Variants in INPP5F observed in about 807,000 individuals in gnomAD.
INPP5F encodes phosphatidylinositide 4-phosphatase SAC2.
In INPP5F, 97 loss-of-function variants were observed where a neutral mutation model predicts 137.2. The ratio of observed to expected loss-of-function variants is 0.71; its 90% confidence interval spans 0.60 to 0.84. INPP5F has a LOEUF of 0.84. Ranked by LOEUF, INPP5F falls within the 40% of genes least tolerant of loss-of-function variation. The probability of loss-of-function intolerance (pLI) is 0.00; values close to 1 mark genes in which losing one functional copy is unlikely to be tolerated. For synonymous variants in INPP5F, 504 were observed against 476.9 expected (o/e 1.06, Z -0.74); for missense variants, 1,271 against 1,371.9 (o/e 0.93, Z 1.16).
rs144030311 is a variant in INPP5F, at chr10:119,773,378, G to A, written c.179-8257G>A. Reference sequence around the variant, plus strand: ...AGCCTGTTTTTCAAATTTTAGTTTCGGGGCGACATCTGCAGGTTTGTTACA... The same window carrying A: ...AGCCTGTTTTTCAAATTTTAGTTTCAGGGCGACATCTGCAGGTTTGTTACA... On this transcript the variant is annotated intron_variant, in intron 2 of 19. Coordinates refer to ENST00000650623, the MANE Select transcript of INPP5F (RefSeq NM_014937.4). Among the ~76,000 whole-genome samples the A allele has an allele frequency of 1.3e-3, 204 of 152,136 alleles. 2 individuals are homozygous for A. Among genetic ancestry groups the A allele is most frequent in the Middle Eastern group, 3.4e-3 (1 of 294 alleles).
chr10:119,808,122 A>G (rs1189094549), intron 13 of INPP5F, 62 bp downstream of exon 13: 2 of 1,535,662 alleles, frequency 1.3e-6, no homozygotes, highest in Non-Finnish European at 1.8e-6. Flanking sequence ...ACTATGGTTT[A>G]AAACCACAGA....
chr10:119,779,691 A>G (rs779216115), intron 2 of INPP5F, among the ~76,000 whole-genome samples: 5 of 152,168 alleles, frequency 3.3e-5, no homozygotes, highest in Admixed American at 6.5e-5. Context: ...AAGTGCTGCA[A>G]TTACAGGCAT....
In INPP5F at chr10:119,827,806, G is replaced by A. The variant is rs1564860823; in HGVS notation, c.*26G>A. 1 of 1,480,750 alleles carries A rather than the reference G, an allele frequency of 6.8e-7. No homozygotes were observed. The highest frequency in any genetic ancestry group is 9.2e-7 in the Non-Finnish European group (1 of 1,087,888). 91.7% of individuals were successfully genotyped at this position (1,480,750 alleles called of 1,614,324 possible). ...CTTTTAGCCATAAGAATCCTTCCAT[G>A]GCTTTTATTTAAAAATATGAAATTT... On this transcript the variant is annotated 3_prime_UTR_variant, in exon 20 of 20. Transcript: ENST00000650623.
intron 1 of INPP5F, among the ~76,000 whole-genome samples, chr10:119,736,922 C>T (rs376728821): frequency 3.3e-5 from 5 of 152,320 alleles, no homozygotes; most frequent in African/African-American, 1.2e-4. Context: ...CTCCTGGGCT[C>T]GGGTGATCCT....
chr10:119,826,314 A>G (rs1851755907), intron 19 of INPP5F, among the ~76,000 whole-genome samples: 1 of 152,246 alleles, frequency 6.6e-6, no homozygotes, highest in Non-Finnish European at 1.5e-5. Context: ...GAATTAGTCC[A>G]AAAAGGAATA....
intron 16 of INPP5F, among the ~76,000 whole-genome samples, chr10:119,821,701 C>CCT (rs923963288): frequency 1.0e-4 from 15 of 149,590 alleles, no homozygotes; most frequent in African/African-American, 1.8e-4. Flanking sequence ...CTTTCTCCCT[C>CCT]CTCTCTCTCT....
chr10:119,740,793 G>A (rs1330102896), intron 1 of INPP5F, among the ~76,000 whole-genome samples: 14 of 151,988 alleles, frequency 9.2e-5, no homozygotes, highest in Admixed American at 6.6e-4. Flanking sequence ...CTCCTGCCTC[G>A]GCCTCCCAAA....
intron 1 of INPP5F, among the ~76,000 whole-genome samples, chr10:119,746,919 G>T (rs202177961): frequency 8.6e-5 from 13 of 152,034 alleles, no homozygotes; most frequent in African/African-American, 2.7e-4. Flanking sequence ...CTCCCAAGTA[G>T]CTGGGATTAT....
intron 17 of INPP5F, 55 bp downstream of exon 17, chr10:119,822,559 AG>A: frequency 1.3e-5 from 10 of 782,216 alleles, no homozygotes; most frequent in South Asian, 1.8e-5. Context: ...TGTTTCCAAG[AG>A]GGGGTCAAAT....
intron 1 of INPP5F, among the ~76,000 whole-genome samples, chr10:119,745,434 T>A (rs960558088): frequency 5.9e-5 from 9 of 151,998 alleles, no homozygotes; most frequent in African/African-American, 9.7e-5. Flanking sequence ...CCCAAGTGGG[T>A]TTCTTACTCC....
At chr10:119,781,873 G>T in intron 3 of INPP5F, 102 bp downstream of exon 3, 2 of 922,176 alleles carry the variant, frequency 2.2e-6, no homozygotes, top group Non-Finnish European at 3.2e-6. Context: ...TTTAGAGCTG[G>T]GTAATGTTTT....
intron 6 of INPP5F, among the ~76,000 whole-genome samples, chr10:119,794,611 C>T (rs1274944935): frequency 6.7e-6 from 1 of 149,102 alleles, no homozygotes; most frequent in Non-Finnish European, 1.5e-5. Context: ...CAAAGGCGCC[C>T]CTCACCTCCC....
intron 6 of INPP5F, among the ~76,000 whole-genome samples, chr10:119,794,188 T>C (rs1429650061): frequency 1.3e-5 from 2 of 151,866 alleles, no homozygotes; most frequent in Admixed American, 6.6e-5. Context: ...TTTGTGTCCC[T>C]GGGTACTTGA....
chr10:119,732,701 G>T (rs865924241), intron 1 of INPP5F, among the ~76,000 whole-genome samples: 2 of 151,398 alleles, frequency 1.3e-5, no homozygotes, highest in African/African-American at 2.4e-5. Flanking sequence ...GGGTTTCGCC[G>T]TATTGGCCAG....
chr10:119,805,749 TCTC>T (rs1454378155), intron 11 of INPP5F, among the ~76,000 whole-genome samples: 1 of 152,186 alleles, frequency 6.6e-6, no homozygotes, highest in African/African-American at 2.4e-5. Flanking sequence ...ATTTTCTCTT[TCTC>T]CTCTTTCTCA....
In INPP5F at chr10:119,811,963, G is replaced by A; in HGVS notation, c.1886+8G>A. 3 of 1,611,700 alleles carry A rather than the reference G, an allele frequency of 1.9e-6. No individual in the cohort carries two copies. The highest frequency in any genetic ancestry group is 2.5e-6 in the Non-Finnish European group (3 of 1,177,884). Reference sequence around the variant, plus strand: ...CATTGACTGTGACCCTAGGTGAGTTGGAGTGGTGTCCAGGTGACCAGCTTG... The same window carrying A: ...CATTGACTGTGACCCTAGGTGAGTTAGAGTGGTGTCCAGGTGACCAGCTTG... On this transcript the variant is annotated splice_region_variant and intron_variant, in intron 15 of 19. Coordinates refer to ENST00000650623, the MANE Select transcript of INPP5F (RefSeq NM_014937.4).
At chr10:119,805,321 TAA>T in intron 10 of INPP5F, 61 bp from the exon 11 acceptor site, 1 of 1,326,962 alleles carries the variant, frequency 7.5e-7, no homozygotes, top group Non-Finnish European at 1.1e-6. Context: ...TAGCATATCT[TAA>T]GTTTTAAAAA....
Position 119,757,312 on chromosome 10 carries a change from C to G in INPP5F, c.178+6156C>G, listed in dbSNP as rs991459304. ...CGAACTCCTGACCTCAGGTGATCGG[C>G]CTGCCTCAGCCTCCCAAAGTGCTGG... On this transcript the variant is annotated intron_variant, in intron 2 of 19. Transcript: ENST00000650623. Among the ~76,000 whole-genome samples, 8 of 151,896 alleles carry G rather than the reference C, an allele frequency of 5.3e-5. No homozygotes were observed. In the East Asian group the frequency reaches 7.8e-4, roughly 15 times the overall value.
At chr10:119,778,593 T>G (rs911971446) in intron 2 of INPP5F, among the ~76,000 whole-genome samples, 3 of 152,160 alleles carry the variant, frequency 2.0e-5, no homozygotes, top group African/African-American at 7.2e-5. Flanking sequence ...TTAGGTTGTT[T>G]TGCCATTTTC....
Sources: allele counts gnomAD v4.1 joint callset (sites outside exome capture counted in the v4.1 genomes callset), GRCh38; gene constraint gnomAD v4.1.1; transcripts MANE v1.5; gene names NCBI Gene and HGNC (gene_info 2026-07-23, HGNC 2026-07-21).